C1orf94: variants seen among roughly 807,000 people sequenced by gnomAD.
C1orf94 encodes the protein chromosome 1 open reading frame 94.
C1orf94 carries 45 observed loss-of-function variants against 53.6 expected under a neutral mutation model. That is an observed-to-expected ratio of 0.84 (90% CI 0.66 to 1.08). The LOEUF (loss-of-function observed/expected upper bound fraction) is 1.08. Among genes scored for constraint, C1orf94 ranks in the 50% least tolerant of loss-of-function variants. C1orf94 has a pLI of 0.00. For synonymous variants in C1orf94, 304 were observed against 296.1 expected (o/e 1.03, Z -0.27); for missense variants, 762 against 738.9 (o/e 1.03, Z -0.36).
At position 34,197,360 on chromosome 1, in the gene C1orf94, G is replaced by C. The variant is rs745375636; in HGVS notation, c.456G>C (p.Glu152Asp). 54 of 1,609,166 alleles carry C rather than the reference G, an allele frequency of 3.4e-5. No individual in the cohort carries two copies. The East Asian group carries it at 1.2e-3, about 36-fold the overall frequency. ...GELEVPGSSP[E>D]GTRELAPCIL... The stretch of plus-strand genomic sequence containing the variant: ...TGGAGGTACCCGGCAGCTCTCCCGA[G>C]GGGACCAGAGAGCTGGCTCCCTGCA... The change falls in exon 2 of 7, where the codon GAG becomes GAC. Residue 152 changes from glutamate to aspartate, a missense_variant. Glu to Asp is a conservative substitution (Grantham distance 45). Coordinates refer to ENST00000488417, the MANE Select transcript of C1orf94 (RefSeq NM_001134734.2). This position sits in a 1 kb window ranked among gnomAD's most constrained non-coding sequence, Gnocchi z 4.1.
chr1:34,196,314 G>A (rs183785346), intron 1 of C1orf94, among the ~76,000 whole-genome samples: 3 of 152,128 alleles, frequency 2.0e-5, no homozygotes, highest in African/African-American at 7.2e-5. Context: ...AGTGTGCAGC[G>A]GAGGACCCAG....
intron 1 of C1orf94, among the ~76,000 whole-genome samples, chr1:34,189,315 T>C (rs1557480315): frequency 6.6e-6 from 1 of 151,744 alleles, no homozygotes; most frequent in Non-Finnish European, 1.5e-5. Context: ...ATGACTGTGG[T>C]GTATGGTGCA....
In C1orf94 at chr1:34,197,618, G is replaced by A; in HGVS notation, c.714G>A (p.Lys238=). ...GTGACTCCAACTTGCAAGTCAGCAA[G>A]CTTCTGTCCCAGTTCCCACTGAAGT... ...ILGDSNLQVS[K]LLSQFPLKST... The change falls in exon 2 of 7, where the codon AAG becomes AAA. Residue 238 remains lysine, a synonymous_variant. Coordinates refer to ENST00000488417, the MANE Select transcript of C1orf94 (RefSeq NM_001134734.2). The surrounding 1 kb of genome is among the most constrained non-coding windows in gnomAD (Gnocchi z 4.1). 6.2e-7 allele frequency: 1 copy of A among 1,614,168 alleles called. No individual in the cohort carries two copies. The highest frequency in any genetic ancestry group is 8.5e-7 in the Non-Finnish European group (1 of 1,180,018).
chr1:34,186,073 A>G (rs569177161), intron 1 of C1orf94, among the ~76,000 whole-genome samples: 33 of 152,254 alleles, frequency 2.2e-4, no homozygotes, highest in Middle Eastern at 3.4e-3. Flanking sequence ...ATCATTCAAC[A>G]TTTTTCTTTC....
At chr1:34,186,667 G>C (rs759596654) in intron 1 of C1orf94, among the ~76,000 whole-genome samples, 1 of 152,186 alleles carries the variant, frequency 6.6e-6, no homozygotes, top group Non-Finnish European at 1.5e-5. Context: ...TTTTGAGGAC[G>C]ATAGAATGGA....
At chr1:34,180,492 G>A (rs537936499) in intron 1 of C1orf94, among the ~76,000 whole-genome samples, 21 of 152,280 alleles carry the variant, frequency 1.4e-4, no homozygotes, top group South Asian at 1.0e-3. Flanking sequence ...TACAGATAAC[G>A]TGGCTGAGGT....
Position 34,177,709 on chromosome 1 carries a change from C to A in C1orf94, c.-81C>A. ...CCCACACAAATAGAAGGCCTCTGAA[C>A]CTAACCACCTTGCTGGAGCGAAAGC... On this transcript the variant is annotated 5_prime_UTR_variant, in exon 1 of 7. Coordinates refer to ENST00000488417, the MANE Select transcript of C1orf94 (RefSeq NM_001134734.2). 2 of 1,338,432 alleles carry A rather than the reference C, an allele frequency of 1.5e-6. No homozygotes were observed. The highest frequency in any genetic ancestry group is 2.0e-6 in the Non-Finnish European group (2 of 996,796). The allele number at this position is 1,338,432 out of a possible 1,614,324, so 82.9% of individuals were successfully genotyped here.
Position 34,204,837 on chromosome 1 carries a change from C to T in C1orf94, c.1446+2578C>T, listed in dbSNP as rs139333839. On this transcript the variant is annotated intron_variant, in intron 4 of 6. Transcript: ENST00000488417. The stretch of plus-strand genomic sequence containing the variant: ...TTGAGCTCAGGTGTTCAAGACTAGC[C>T]TGAACAATATAGTGAAACCCTGTCT... Among the ~76,000 whole-genome samples the T allele has an allele frequency of 4.8e-3, 725 of 150,778 alleles. 3 individuals carry two copies. The highest frequency in any genetic ancestry group is 0.017 in the African/African-American group (686 of 40,514).
intron 1 of C1orf94, among the ~76,000 whole-genome samples, chr1:34,192,233 G>A (rs574720751): frequency 6.6e-6 from 1 of 152,286 alleles, no homozygotes; most frequent in South Asian, 2.1e-4. Flanking sequence ...CAAAGTGGTC[G>A]GGTGCCCACA....
chr1:34,191,852 G>A (rs1453865120), intron 1 of C1orf94, among the ~76,000 whole-genome samples: 3 of 152,144 alleles, frequency 2.0e-5, no homozygotes, highest in Non-Finnish European at 2.9e-5. Context: ...CTGAGAAGGG[G>A]TGCCAACCAG....
chr1:34,206,114 C>T (rs953158077), intron 4 of C1orf94, among the ~76,000 whole-genome samples: 13 of 152,158 alleles, frequency 8.5e-5, no homozygotes, highest in African/African-American at 2.9e-4. Context: ...TCCACAGAGC[C>T]TAGGGCAGCC....
intron 1 of C1orf94, among the ~76,000 whole-genome samples, chr1:34,186,744 G>A (rs1272794553): frequency 1.3e-5 from 2 of 152,158 alleles, no homozygotes; most frequent in Non-Finnish European, 2.9e-5. Context: ...CCCCTTAATC[G>A]GGGCTATCAG....
At chr1:34,176,074 C>T (rs994739027), upstream of C1orf94, among the ~76,000 whole-genome samples, 1 of 152,000 alleles carries the variant, frequency 6.6e-6, no homozygotes, top group Admixed American at 6.5e-5. Context: ...GCCATTTTTG[C>T]CCACCCTTAT....
chr1:34,210,131 T>A (rs532873919), intron 5 of C1orf94, among the ~76,000 whole-genome samples: 1 of 152,286 alleles, frequency 6.6e-6, no homozygotes, highest in South Asian at 2.1e-4. Context: ...AGGGGCACAT[T>A]TTTTTATAAC....
At chr1:34,206,303 A>G (rs567453314) in intron 4 of C1orf94, among the ~76,000 whole-genome samples, 1 of 152,264 alleles carries the variant, frequency 6.6e-6, no homozygotes, top group East Asian at 1.9e-4. Context: ...CATTCTGGAG[A>G]CTGCTCAGTG....
intron 5 of C1orf94, among the ~76,000 whole-genome samples, chr1:34,209,679 G>A (rs1394564662): frequency 6.6e-6 from 1 of 152,098 alleles, no homozygotes; most frequent in Non-Finnish European, 1.5e-5. Context: ...GCAGGGGTAG[G>A]GAGCCTTGTT....
At chr1:34,178,899 C>T (rs748160413) in intron 1 of C1orf94, among the ~76,000 whole-genome samples, 1 of 152,240 alleles carries the variant, frequency 6.6e-6, no homozygotes, top group Non-Finnish European at 1.5e-5. Flanking sequence ...GGACTGTAAA[C>T]TTAATTAATG....
At chr1:34,176,782 C>T (rs12036831), upstream of C1orf94, among the ~76,000 whole-genome samples, 1,126 of 152,250 alleles carry the variant, frequency 7.4e-3, 13 homozygotes, top group East Asian at 0.056. Flanking sequence ...TTGTGTGGAG[C>T]GGCGAAGTGG....
chr1:34,199,872 T>C (rs1477005396), intron 2 of C1orf94, among the ~76,000 whole-genome samples: 1 of 152,198 alleles, frequency 6.6e-6, no homozygotes, highest in Non-Finnish European at 1.5e-5. Context: ...CTGCCATGCC[T>C]TCCTCCCCAA....
Sources: allele counts gnomAD v4.1 joint callset (sites outside exome capture counted in the v4.1 genomes callset), GRCh38; gene constraint gnomAD v4.1.1; non-coding constraint Gnocchi (gnomAD v3.1); transcripts MANE v1.5; gene names NCBI Gene and HGNC (gene_info 2026-07-23, HGNC 2026-07-21).